The following C9orf72 variants were observed in gnomAD, a reference collection of about 807,000 sequenced individuals.
C9orf72 encodes guanine nucleotide exchange factor C9orf72.
Under a neutral mutation model 51.6 loss-of-function variants are expected in C9orf72, and 44 were observed. That is an observed-to-expected ratio of 0.85 (90% confidence interval 0.67 to 1.10). C9orf72 has a LOEUF of 1.10. Ranked by LOEUF, C9orf72 falls within the 50% of genes least tolerant of loss-of-function variation. The probability of loss-of-function intolerance (pLI) is 0.00; values close to 1 mark genes in which losing one functional copy is unlikely to be tolerated. For missense variants in C9orf72, 607 were observed against 570.6 expected (o/e 1.06, Z -0.65); for synonymous variants, 213 against 194.2 (o/e 1.10, Z -0.81).
chr9:27,553,545 T>C (rs562968952), intron 8 of C9orf72, among the ~76,000 whole-genome samples: 1 of 152,240 alleles, frequency 6.6e-6, no homozygotes, highest in African/African-American at 2.4e-5. Context: ...CCTTGTGCCA[T>C]ATACAAAAAT....
chr9:27,570,514 C>T (rs1587323335), intron 1 of C9orf72, among the ~76,000 whole-genome samples: 1 of 152,168 alleles, frequency 6.6e-6, no homozygotes, highest in East Asian at 1.9e-4. Flanking sequence ...ACTTTTACCA[C>T]GTTGTGAAAA....
chr9:27,553,327 T>C (rs752970488), intron 8 of C9orf72, among the ~76,000 whole-genome samples: 10 of 152,060 alleles, frequency 6.6e-5, no homozygotes, highest in Admixed American at 6.5e-5. Flanking sequence ...TAAAAGGCTA[T>C]AGGAACCTGA....
chr9:27,571,056 G>A (rs907660198), intron 1 of C9orf72: 2 of 152,164 alleles, frequency 1.3e-5, no homozygotes, highest in African/African-American at 4.8e-5. Flanking sequence ...CGTCTTTGGT[G>A]AGAAAAATCC....
rs753735631 is a variant in C9orf72, at chr9:27,556,681, T to C, written c.971A>G (p.His324Arg). Residue 324 changes from histidine (H) to arginine (R), a missense_variant, in exon 8 of 11, where the codon CAT (histidine) becomes CGT (arginine). Transcript: ENST00000380003. ...TVKQMPPCHEHIYNQRRYMRS... is the reference protein window; with the variant it reads ...TVKQMPPCHERIYNQRRYMRS... Reference sequence around the variant, plus strand: ...CATGTATCTACGCTGATTATAAATATGTTCATGACAGGGTGGCATCTGCTT... The same window carrying C: ...CATGTATCTACGCTGATTATAAATACGTTCATGACAGGGTGGCATCTGCTT... 6.8e-6 allele frequency: 11 copies of C among 1,613,866 alleles called. No homozygotes were observed. Among genetic ancestry groups the C allele is most frequent in the African/African-American group, 1.3e-5 (1 of 74,902 alleles).
At chr9:27,567,526 C>T (rs151056982) in intron 1 of C9orf72, among the ~76,000 whole-genome samples, 1 of 152,150 alleles carries the variant, frequency 6.6e-6, no homozygotes, top group Non-Finnish European at 1.5e-5. Flanking sequence ...TCTAGTATGA[C>T]TGGAGATTTG....
intron 8 of C9orf72, 145 bp from the exon 9 acceptor site, chr9:27,550,852 T>C (rs990397468): frequency 2.8e-5 from 14 of 504,996 alleles, no homozygotes; most frequent in Admixed American, 7.4e-5. Flanking sequence ...TGTAAGAATA[T>C]AGATATATAT....
At chr9:27,563,936 T>C (rs866855324) in intron 3 of C9orf72, among the ~76,000 whole-genome samples, 2 of 152,110 alleles carry the variant, frequency 1.3e-5, no homozygotes, top group African/African-American at 4.8e-5. Flanking sequence ...ACAACTGAAG[T>C]TGTTTCAAAC....
chr9:27,572,462 TC>T (rs1366440171), intron 1 of C9orf72, among the ~76,000 whole-genome samples: 1 of 139,082 alleles, frequency 7.2e-6, no homozygotes, highest in Non-Finnish European at 1.6e-5. Flanking sequence ...CTTAACAGTA[TC>T]TTTTTTTTTT....
At chr9:27,572,397 C>G (rs893712765) in intron 1 of C9orf72, among the ~76,000 whole-genome samples, 2 of 151,878 alleles carry the variant, frequency 1.3e-5, no homozygotes, top group Admixed American at 6.6e-5. Flanking sequence ...AGTCTTGTTT[C>G]TGTGATATTC....
rs1481003742 is a variant in C9orf72, at chr9:27,548,112, T to C, written c.*124A>G. On this transcript the variant is annotated 3_prime_UTR_variant, in exon 11 of 11. Transcript: ENST00000380003. ...CTCTTGTGAGAACTGTAGTGTAACT[T>C]ACTTAACTGCAATTGCTGAGAGCAG... 6.3e-6 allele frequency: 4 copies of C among 630,124 alleles called. No homozygotes were observed. The highest frequency in any genetic ancestry group is 5.2e-5 in the South Asian group (2 of 38,362). 39.0% of individuals were successfully genotyped at this position (630,124 alleles called of 1,614,324 possible).
chr9:27,560,689 G>C (rs1286382478), intron 5 of C9orf72: 8 of 988,276 alleles, frequency 8.1e-6, no homozygotes, highest in African/African-American at 1.7e-5. Context: ...AAGTGCTTCT[G>C]ATTCAAGCCA....
intron 1 of C9orf72, among the ~76,000 whole-genome samples, chr9:27,568,907 C>G (rs1290748230): frequency 1.3e-5 from 2 of 151,458 alleles, no homozygotes. Flanking sequence ...ACAGAAAGCA[C>G]TGTTATCATA....
rs35726666 is a variant in C9orf72 at position 27,556,756 on chromosome 9, A to G, written c.896T>C (p.Met299Thr). 6.3e-5 allele frequency: 102 copies of G among 1,613,996 alleles called. 1 individual carries two copies. In the African/African-American group the frequency reaches 1.2e-3, roughly 18 times the overall value. ...GTGTGTGGTGGGATATGGAGCATAC[A>G]TGACTTGCCGGAAAGGCAGCACAAA... ...GSFVLPFRQVMYAPYPTTHID... is the reference protein window; with the variant it reads ...GSFVLPFRQVTYAPYPTTHID... The change falls in exon 8 of 11, where the codon ATG becomes ACG. Residue 299 changes from methionine to threonine, a missense_variant. By Grantham distance (81) the Met-to-Thr change is moderately conservative. Coordinates refer to ENST00000380003, the MANE Select transcript of C9orf72 (RefSeq NM_018325.5).
Position 27,567,216 on chromosome 9 carries a change from C to A in C9orf72, c.-44-52G>T, listed in dbSNP as rs776028493. 5.9e-6 allele frequency: 6 copies of A among 1,023,310 alleles called. No individual in the cohort carries two copies. In the African/African-American group the frequency reaches 8.0e-5, roughly 14 times the overall value. The allele number at this position is 1,023,310 out of a possible 1,614,324, so 63.4% of individuals were successfully genotyped here. A position where few individuals can be genotyped will look rare whatever the true frequency, so the allele number is the denominator to read the frequency against. ...ATTAGGTTCAGCAATTTAAAGATATCCATCAAAACCCCAAATGATTTAGAC... is the reference window on the plus strand; with the variant it reads ...ATTAGGTTCAGCAATTTAAAGATATACATCAAAACCCCAAATGATTTAGAC... On this transcript the variant is annotated intron_variant, in intron 1 of 10. Coordinates refer to ENST00000380003, the MANE Select transcript of C9orf72 (RefSeq NM_018325.5).
intron 6 of C9orf72, chr9:27,558,889 C>T (rs1819273196): frequency 4.1e-6 from 1 of 245,624 alleles, no homozygotes; most frequent in Admixed American, 5.3e-5. Flanking sequence ...ATTATATCAT[C>T]TGCAGACTTT....
chr9:27,565,703 T>C, intron 2 of C9orf72, 113 bp from the exon 3 acceptor site: 1 of 674,780 alleles, frequency 1.5e-6, no homozygotes, highest in Non-Finnish European at 2.5e-6. Flanking sequence ...AAATACTTTC[T>C]ACTTTAGGGA....
chr9:27,560,144 C>T, intron 6 of C9orf72, 83 bp downstream of exon 6: 1 of 882,992 alleles, frequency 1.1e-6, no homozygotes, highest in Non-Finnish European at 1.7e-6. Context: ...ATTTTAATTG[C>T]AACCTACCAT....
chr9:27,561,471 C>A, intron 5 of C9orf72, 114 bp downstream of exon 5: 2 of 975,604 alleles, frequency 2.1e-6, no homozygotes, highest in South Asian at 1.6e-5. Context: ...TACGTAATGT[C>A]CCTAGAACAA....
Position 27,556,611 on chromosome 9 carries a change from GTCT to G in C9orf72, c.1038_1040del (p.Glu346del). 2 of 1,613,538 alleles carry G rather than the reference GTCT, an allele frequency of 1.2e-6. No homozygotes were observed. The highest frequency in any genetic ancestry group is 1.7e-6 in the Non-Finnish European group (2 of 1,179,746). On this transcript the variant is annotated inframe_deletion, in exon 8 of 11. Coordinates refer to ENST00000380003, the MANE Select transcript of C9orf72 (RefSeq NM_018325.5). Reference sequence around the variant, plus strand: ...TGTAGATGATCGTATCCTGAGCCATGTCTTCTTCTGAAGTGGCTCTCCAGAAGG... The same window carrying G: ...TGTAGATGATCGTATCCTGAGCCATGTCTTCTGAAGTGGCTCTCCAGAAGG...
Sources: gnomAD v4.1 joint callset for allele counts (sites outside exome capture counted in the v4.1 genomes callset) on GRCh38, gnomAD v4.1.1 for gene constraint, MANE v1.5 for transcripts, NCBI Gene and HGNC (gene_info 2026-07-23, HGNC 2026-07-21) for gene names.